Variants in SLC25A21 observed in about 807,000 individuals in gnomAD.
SLC25A21 encodes mitochondrial 2-oxodicarboxylate carrier.
In SLC25A21, 47 loss-of-function variants were observed where a neutral mutation model predicts 43.8. The ratio of observed to expected loss-of-function variants is 1.07; its 90% CI spans 0.85 to 1.37. SLC25A21 has a LOEUF of 1.37. SLC25A21 is among the 40% of genes most tolerant of loss of function. The pLI is 0.00. For synonymous variants in SLC25A21, 131 were observed against 121.3 expected, an observed-to-expected ratio of 1.08 and a Z score of -0.52; for missense variants, 352 against 350.2, an observed-to-expected ratio of 1.00 and a Z score of -0.04.
chr14:37,114,444 A>C (rs1963071472), intron 1 of SLC25A21, among the ~76,000 whole-genome samples: 1 of 152,254 alleles, frequency 6.6e-6, no homozygotes, highest in Non-Finnish European at 1.5e-5. Flanking sequence ...AGTATATTAG[A>C]AACTTTGAAG....
At chr14:36,793,270 G>A (rs61054100) in intron 3 of SLC25A21, among the ~76,000 whole-genome samples, 193 of 152,242 alleles carry the variant, frequency 1.3e-3, no homozygotes, top group African/African-American at 4.5e-3. Flanking sequence ...GCTATTTATT[G>A]AGAGAAAACA....
chr14:36,945,280 A>G (rs112186772), intron 1 of SLC25A21, among the ~76,000 whole-genome samples: 1 of 152,308 alleles, frequency 6.6e-6, no homozygotes, highest in Non-Finnish European at 1.5e-5. Flanking sequence ...ACAAGTTGAT[A>G]CCATGTGCCC....
At chr14:37,097,018 GTTTTTTTTTTGTT>G (rs1287192995) in intron 1 of SLC25A21, 7 of 145,238 alleles carry the variant, frequency 4.8e-5, no homozygotes, top group Admixed American at 2.0e-4. Context: ...CAAAGGGCTG[GTTTTTTTTTTGTT>G]TTTTTTTTTT....
At chr14:37,126,437 T>C (rs1963298778) in intron 1 of SLC25A21, among the ~76,000 whole-genome samples, 1 of 151,942 alleles carries the variant, frequency 6.6e-6, no homozygotes, top group South Asian at 2.1e-4. Context: ...CTGTGGAATT[T>C]ATTTAATTAT....
intron 1 of SLC25A21, among the ~76,000 whole-genome samples, chr14:37,122,025 A>C (rs1963218462): frequency 6.6e-6 from 1 of 152,054 alleles, no homozygotes; most frequent in Non-Finnish European, 1.5e-5. Flanking sequence ...TAACATTTTT[A>C]TTTCTTGAGG....
At chr14:37,005,188 G>GCA (rs1960573624) in intron 1 of SLC25A21, among the ~76,000 whole-genome samples, 1 of 148,650 alleles carries the variant, frequency 6.7e-6, no homozygotes, top group African/African-American at 2.4e-5. Flanking sequence ...GCACAAGAGC[G>GCA]CACACACACA....
At chr14:36,777,419 CT>C (rs1419684000) in intron 3 of SLC25A21, among the ~76,000 whole-genome samples, 1 of 152,154 alleles carries the variant, frequency 6.6e-6, no homozygotes, top group Non-Finnish European at 1.5e-5. Context: ...CTCTTGGTAT[CT>C]GTGAATGTGA....
intron 1 of SLC25A21, among the ~76,000 whole-genome samples, chr14:37,092,790 A>G (rs1229638399): frequency 1.3e-5 from 2 of 152,036 alleles, no homozygotes; most frequent in Non-Finnish European, 2.9e-5. Context: ...TAATTTTTCA[A>G]TTAAATAGAT....
At chr14:36,978,740 A>G (rs1488368431) in intron 1 of SLC25A21, among the ~76,000 whole-genome samples, 1 of 152,208 alleles carries the variant, frequency 6.6e-6, no homozygotes, top group East Asian at 1.9e-4. Flanking sequence ...TATACCATTT[A>G]GACTTGGTTA....
At chr14:37,027,767 T>C (rs1961124598) in intron 1 of SLC25A21, among the ~76,000 whole-genome samples, 1 of 152,250 alleles carries the variant, frequency 6.6e-6, no homozygotes, top group Admixed American at 6.5e-5. Flanking sequence ...GCTTGGTCTC[T>C]GATTTAGGTT....
intron 1 of SLC25A21, among the ~76,000 whole-genome samples, chr14:36,933,906 T>C (rs1211494489): frequency 6.6e-6 from 1 of 152,124 alleles, no homozygotes; most frequent in Admixed American, 6.6e-5. Context: ...GAATACACAG[T>C]AGAGACAGAT....
intron 2 of SLC25A21, among the ~76,000 whole-genome samples, chr14:36,826,590 G>C (rs886384427): frequency 6.6e-6 from 1 of 152,188 alleles, no homozygotes; most frequent in Non-Finnish European, 1.5e-5. Context: ...ATGGCTCTTC[G>C]TGAGGGCCTG....
intron 1 of SLC25A21, among the ~76,000 whole-genome samples, chr14:36,911,560 A>T (rs1276942315): frequency 6.6e-6 from 1 of 152,020 alleles, no homozygotes; most frequent in Non-Finnish European, 1.5e-5. Context: ...CCACTTTCAC[A>T]CTGGTGTTTG....
intron 1 of SLC25A21, among the ~76,000 whole-genome samples, chr14:37,115,805 A>T (rs1210919603): frequency 6.6e-6 from 1 of 152,186 alleles, no homozygotes; most frequent in Non-Finnish European, 1.5e-5. Flanking sequence ...CTAGTATAAG[A>T]TTTCATATAT....
At chr14:36,995,417 T>C (rs959764593) in intron 1 of SLC25A21, among the ~76,000 whole-genome samples, 2 of 152,126 alleles carry the variant, frequency 1.3e-5, no homozygotes, top group South Asian at 4.1e-4. Context: ...AGAGAGAACA[T>C]GACAAAAAAA....
At chr14:36,684,689 T>G in intron 8 of SLC25A21, 55 bp downstream of exon 8, 2 of 1,505,348 alleles carry the variant, frequency 1.3e-6, no homozygotes, top group Non-Finnish European at 1.8e-6. Flanking sequence ...GACAATACGG[T>G]TCTAACAATA....
At chr14:36,988,927 G>A (rs1960203882) in intron 1 of SLC25A21, among the ~76,000 whole-genome samples, 1 of 152,210 alleles carries the variant, frequency 6.6e-6, no homozygotes, top group South Asian at 2.1e-4. Flanking sequence ...TGAAAATCTA[G>A]AATTATAGTA....
intron 1 of SLC25A21, among the ~76,000 whole-genome samples, chr14:37,110,391 A>G (rs1195902467): frequency 3.9e-5 from 6 of 152,212 alleles, no homozygotes; most frequent in African/African-American, 1.4e-4. Flanking sequence ...GGTGAGTATC[A>G]TTCCATTCTA....
intron 1 of SLC25A21, among the ~76,000 whole-genome samples, chr14:36,925,789 G>A (rs1892115868): frequency 6.6e-6 from 1 of 152,192 alleles, no homozygotes; most frequent in Non-Finnish European, 1.5e-5. Flanking sequence ...AGAGGTTGTA[G>A]TGGGCTGAGA....
Sources: allele counts gnomAD v4.1 joint callset (sites outside exome capture counted in the v4.1 genomes callset), GRCh38; gene constraint gnomAD v4.1.1; transcripts MANE v1.5; gene names NCBI Gene and HGNC (gene_info 2026-07-23, HGNC 2026-07-21).